GALNT13: variants seen among roughly 807,000 people sequenced by gnomAD.
The protein encoded by GALNT13 is UDP-GalNAc:polypeptide N-acetylgalactosaminyltransferase 13.
In GALNT13, 28 loss-of-function variants were observed where a neutral mutation model predicts 64.2. The ratio of observed to expected loss-of-function variants is 0.44; its 90% CI spans 0.32 to 0.60. The LOEUF (loss-of-function observed/expected upper bound fraction) is 0.60. Ranked by LOEUF, GALNT13 falls within the 20% of genes least tolerant of loss-of-function variation. The pLI, the probability that GALNT13 is intolerant of heterozygous loss-of-function variation, is 0.05. For synonymous variants in GALNT13, 214 were observed against 224.6 expected, an observed-to-expected ratio of 0.95 and a Z score of 0.42; for missense variants, 577 against 669.8, an observed-to-expected ratio of 0.86 and a Z score of 1.53.
rs114752392 is a variant in GALNT13 at position 153,975,500 on chromosome 2, A to G, written c.142+30861A>G. On this transcript the variant is annotated intron_variant, in intron 3 of 12. Transcript: ENST00000392825. ...TGCCCAAATTGCAAGTTATGTTCAT[A>G]TCAGTCCCTTTGCATTTTCTACTCT... Among the ~76,000 whole-genome samples the G allele has an allele frequency of 9.2e-5, 14 of 152,188 alleles. 1 individual carries two copies. Among genetic ancestry groups the G allele is most frequent in the African/African-American group, 3.4e-4 (14 of 41,544 alleles).
chr2:153,670,299 C>G, the GALNT13 span, among the ~76,000 whole-genome samples: 1 of 152,158 alleles, frequency 6.6e-6, no homozygotes, highest in Non-Finnish European at 1.5e-5. Context: ...TAGGGGCTGA[C>G]AGACATTTCA....
chr2:153,333,244 A>AGG, the GALNT13 span, among the ~76,000 whole-genome samples: 16 of 152,298 alleles, frequency 1.1e-4, 1 homozygote, highest in South Asian at 2.5e-3. Context: ...CAGAATGTTC[A>AGG]AGCCTCTTCC....
At chr2:153,921,349 A>G (rs1276674349) in intron 2 of GALNT13, among the ~76,000 whole-genome samples, 1 of 152,184 alleles carries the variant, frequency 6.6e-6, no homozygotes, top group Non-Finnish European at 1.5e-5. Flanking sequence ...TACTATAGTA[A>G]GTAAAATAAC....
the GALNT13 span, among the ~76,000 whole-genome samples, chr2:153,684,279 C>G: frequency 3.3e-5 from 5 of 151,488 alleles, no homozygotes; most frequent in Non-Finnish European, 7.4e-5. Flanking sequence ...CATATTGTTC[C>G]TAGCCTATTT....
At chr2:154,095,367 C>G (rs1414067836) in intron 3 of GALNT13, among the ~76,000 whole-genome samples, 13 of 151,566 alleles carry the variant, frequency 8.6e-5, no homozygotes. Flanking sequence ...GTTACTGTAT[C>G]ACAAATTTGT....
At chr2:153,779,532 C>T in the GALNT13 span, among the ~76,000 whole-genome samples, 56 of 152,140 alleles carry the variant, frequency 3.7e-4, no homozygotes, top group Admixed American at 3.7e-3. Flanking sequence ...TCTCTTTTAA[C>T]TTCAACTACT....
the GALNT13 span, among the ~76,000 whole-genome samples, chr2:153,100,497 T>A: frequency 6.6e-6 from 1 of 152,196 alleles, no homozygotes; most frequent in Non-Finnish European, 1.5e-5. Flanking sequence ...TGGAGAAAAT[T>A]GTTTTGGAAG....
At chr2:153,487,580 G>A in the GALNT13 span, among the ~76,000 whole-genome samples, 61 of 152,156 alleles carry the variant, frequency 4.0e-4, no homozygotes, top group African/African-American at 1.5e-3. Context: ...AAGCAATTAT[G>A]GTAGCCTGTG....
intron 4 of GALNT13, among the ~76,000 whole-genome samples, chr2:154,141,640 T>C (rs1216695679): frequency 1.3e-5 from 2 of 152,186 alleles, no homozygotes; most frequent in Non-Finnish European, 2.9e-5. Flanking sequence ...TGCATGGCTG[T>C]ATTTGCCTTA....
the GALNT13 span, among the ~76,000 whole-genome samples, chr2:153,528,045 A>G: frequency 6.6e-6 from 1 of 151,930 alleles, no homozygotes; most frequent in Admixed American, 6.6e-5. Context: ...CAATCAGAAA[A>G]CCAATAACAA....
At chr2:153,574,361 T>C in the GALNT13 span, among the ~76,000 whole-genome samples, 1 of 152,128 alleles carries the variant, frequency 6.6e-6, no homozygotes, top group East Asian at 1.9e-4. Context: ...TGGTGTTCTA[T>C]AACCTTCTTG....
At chr2:153,625,014 A>G in the GALNT13 span, among the ~76,000 whole-genome samples, 1 of 152,080 alleles carries the variant, frequency 6.6e-6, no homozygotes, top group Non-Finnish European at 1.5e-5. Flanking sequence ...AATAGAATTG[A>G]TGTATTTGAA....
chr2:153,346,356 A>T, the GALNT13 span, among the ~76,000 whole-genome samples: 1 of 152,186 alleles, frequency 6.6e-6, no homozygotes, highest in Non-Finnish European at 1.5e-5. Context: ...GACTAGTTAC[A>T]GTACAGGCTG....
chr2:154,112,218 A>G (rs1401402883), intron 3 of GALNT13, among the ~76,000 whole-genome samples: 1 of 152,126 alleles, frequency 6.6e-6, no homozygotes, highest in Admixed American at 6.5e-5. Context: ...CAAATTAGGC[A>G]CTCAGCAGTC....
At chr2:154,361,235 T>G (rs1453882961) in intron 9 of GALNT13, among the ~76,000 whole-genome samples, 1 of 152,118 alleles carries the variant, frequency 6.6e-6, no homozygotes, top group Non-Finnish European at 1.5e-5. Context: ...TGTAGATTAA[T>G]TTGTATGATG....
the GALNT13 span, among the ~76,000 whole-genome samples, chr2:153,240,371 C>T: frequency 6.6e-6 from 1 of 152,078 alleles, no homozygotes; most frequent in African/African-American, 2.4e-5. Context: ...AATAAGTTGG[C>T]TTTGTCTAGG....
intron 9 of GALNT13, among the ~76,000 whole-genome samples, chr2:154,365,047 T>G (rs1035764201): frequency 4.6e-5 from 7 of 152,358 alleles, no homozygotes; most frequent in South Asian, 2.1e-4. Context: ...TAGCACCTAC[T>G]AGACAAACTA....
At chr2:153,576,587 C>A in the GALNT13 span, among the ~76,000 whole-genome samples, 1 of 152,144 alleles carries the variant, frequency 6.6e-6, no homozygotes, top group Non-Finnish European at 1.5e-5. Context: ...CCCCCAGCAC[C>A]CATAGATGCT....
chr2:154,045,972 A>AT (rs1303276350), intron 3 of GALNT13, among the ~76,000 whole-genome samples: 2 of 149,414 alleles, frequency 1.3e-5, no homozygotes, highest in Admixed American at 6.7e-5. Flanking sequence ...TTGCTTGTTC[A>AT]TTTTTTTTCC....
Sources: allele counts gnomAD v4.1 joint callset (sites outside exome capture counted in the v4.1 genomes callset), GRCh38; gene constraint gnomAD v4.1.1; transcripts MANE v1.5; gene names NCBI Gene and HGNC (gene_info 2026-07-23, HGNC 2026-07-21).